Variants in GPC5 observed in about 807,000 individuals in gnomAD.
GPC5 encodes glypican-5.
A neutral mutation model predicts 53.9 loss-of-function variants in GPC5; 47 were observed. The ratio of observed to expected loss-of-function variants is 0.87; its 90% confidence interval spans 0.69 to 1.11. The LOEUF (loss-of-function observed/expected upper bound fraction) is 1.11. Ranked by LOEUF, GPC5 falls within the 50% of genes most tolerant of loss-of-function variation. The pLI, the probability that GPC5 is intolerant of heterozygous loss-of-function variation, is 0.00. For missense variants in GPC5, 748 were observed against 713.1 expected (o/e 1.05, Z -0.56); for synonymous variants, 286 against 263.3 (o/e 1.09, Z -0.84).
At chr13:92,230,002 G>A (rs1258770755) in intron 7 of GPC5, among the ~76,000 whole-genome samples, 1 of 151,982 alleles carries the variant, frequency 6.6e-6, no homozygotes, top group Non-Finnish European at 1.5e-5. Flanking sequence ...TCTGAAGATA[G>A]AGCACTATAA....
intron 2 of GPC5, among the ~76,000 whole-genome samples, chr13:91,596,237 G>T (rs1029057173): frequency 1.1e-4 from 16 of 151,800 alleles, no homozygotes; most frequent in African/African-American, 3.9e-4. Flanking sequence ...TTAATCTATT[G>T]TTGTCTTATA....
intron 2 of GPC5, among the ~76,000 whole-genome samples, chr13:91,510,977 T>TA (rs1885203176): frequency 6.6e-6 from 1 of 152,194 alleles, no homozygotes; most frequent in African/African-American, 2.4e-5. Flanking sequence ...TTTTTTATAC[T>TA]GTACTGCTTT....
intron 7 of GPC5, among the ~76,000 whole-genome samples, chr13:92,203,692 C>G (rs997982606): frequency 2.7e-5 from 4 of 149,178 alleles, no homozygotes; most frequent in Non-Finnish European, 4.4e-5. Context: ...TAATCTCTAG[C>G]AATTGATTAT....
chr13:92,309,588 T>C (rs968782044), intron 7 of GPC5, among the ~76,000 whole-genome samples: 1 of 152,136 alleles, frequency 6.6e-6, no homozygotes, highest in Non-Finnish European at 1.5e-5. Context: ...ATGACATTTT[T>C]ATTTTTTCTA....
At chr13:92,185,832 A>G (rs919177276) in intron 7 of GPC5, among the ~76,000 whole-genome samples, 1 of 152,182 alleles carries the variant, frequency 6.6e-6, no homozygotes, top group African/African-American at 2.4e-5. Context: ...GTATTCAATA[A>G]CTATTAGGTT....
chr13:92,750,034 T>C (rs2139323415), intron 7 of GPC5, among the ~76,000 whole-genome samples: 1 of 152,290 alleles, frequency 6.6e-6, no homozygotes, highest in African/African-American at 2.4e-5. Flanking sequence ...TGAATATTTT[T>C]CCAGTTCTAC....
chr13:92,523,972 G>A (rs753924750), intron 7 of GPC5, among the ~76,000 whole-genome samples: 15 of 152,094 alleles, frequency 9.9e-5, no homozygotes, highest in Non-Finnish European at 1.9e-4. Flanking sequence ...AGCCTTCAGC[G>A]AGTTGTAATC....
chr13:92,196,428 G>GT (rs2042257054), intron 7 of GPC5, among the ~76,000 whole-genome samples: 1 of 152,012 alleles, frequency 6.6e-6, no homozygotes, highest in African/African-American at 2.4e-5. Context: ...AATTGAAATG[G>GT]TTTTTTAAGA....
At chr13:92,518,714 C>T (rs1594269225) in intron 7 of GPC5, among the ~76,000 whole-genome samples, 1 of 152,298 alleles carries the variant, frequency 6.6e-6, no homozygotes, top group East Asian at 1.9e-4. Flanking sequence ...GAAGAAACTG[C>T]ATCAACTAAC....
chr13:92,630,659 T>C (rs1000604028), intron 7 of GPC5, among the ~76,000 whole-genome samples: 6 of 152,278 alleles, frequency 3.9e-5, no homozygotes, highest in African/African-American at 1.4e-4. Flanking sequence ...ACCTGCATGT[T>C]CTGCACATGT....
At chr13:91,836,078 T>A (rs1339472557) in intron 5 of GPC5, among the ~76,000 whole-genome samples, 1 of 151,982 alleles carries the variant, frequency 6.6e-6, no homozygotes, top group East Asian at 1.9e-4. Flanking sequence ...GGGGGAATGA[T>A]CACAGAAGAG....
chr13:92,163,094 G>T (rs9560950), intron 7 of GPC5, among the ~76,000 whole-genome samples: 5,828 of 152,134 alleles, frequency 0.038, 251 homozygotes, highest in African/African-American at 0.098. Flanking sequence ...ATGAGTGAAG[G>T]AAAGTGTTTT....
chr13:92,748,802 A>G (rs947592411), intron 7 of GPC5, among the ~76,000 whole-genome samples: 19 of 152,174 alleles, frequency 1.2e-4, no homozygotes, highest in African/African-American at 4.6e-4. Flanking sequence ...TAAATATGAT[A>G]CAATTTTAAG....
chr13:92,174,974 C>A (rs925821143), intron 7 of GPC5, among the ~76,000 whole-genome samples: 20 of 152,236 alleles, frequency 1.3e-4, no homozygotes, highest in African/African-American at 4.3e-4. Context: ...CTCAGCCTCC[C>A]GAGTAGCTGG....
intron 7 of GPC5, among the ~76,000 whole-genome samples, chr13:92,794,363 A>G (rs1003136630): frequency 6.6e-6 from 1 of 152,168 alleles, no homozygotes; most frequent in Non-Finnish European, 1.5e-5. Flanking sequence ...TCAATAAACT[A>G]GGTATTGATG....
chr13:92,041,087 G>A (rs1236493577), intron 6 of GPC5, among the ~76,000 whole-genome samples: 2 of 151,830 alleles, frequency 1.3e-5, no homozygotes, highest in East Asian at 3.9e-4. Context: ...CCTGACCTCA[G>A]GTGATCCACC....
chr13:92,379,942 A>G (rs1244478797), intron 7 of GPC5, among the ~76,000 whole-genome samples: 1 of 152,174 alleles, frequency 6.6e-6, no homozygotes, highest in Admixed American at 6.5e-5. Context: ...TACCAGAAAG[A>G]TGGCTCAATC....
chr13:92,738,413 T>C (rs1888997322), intron 7 of GPC5, among the ~76,000 whole-genome samples: 1 of 152,110 alleles, frequency 6.6e-6, no homozygotes, highest in East Asian at 1.9e-4. Flanking sequence ...AAGTAGTTTT[T>C]TGAATGTTTT....
chr13:92,038,708 A>AGCTG (rs2040917460), intron 6 of GPC5, among the ~76,000 whole-genome samples: 1 of 149,462 alleles, frequency 6.7e-6, no homozygotes, highest in Non-Finnish European at 1.5e-5. Context: ...ATAGATAGAT[A>AGCTG]GATAGATAGT....
Sources: gnomAD v4.1 joint callset for allele counts (sites outside exome capture counted in the v4.1 genomes callset) on GRCh38, gnomAD v4.1.1 for gene constraint, MANE v1.5 for transcripts, NCBI Gene and HGNC (gene_info 2026-07-23, HGNC 2026-07-21) for gene names.